PEX5L: variants seen among roughly 807,000 people sequenced by gnomAD.
PEX5L encodes PEX5-related protein.
A neutral mutation model predicts 84.0 loss-of-function variants in PEX5L; 30 were observed. The observed-to-expected ratio is 0.36, with a 90% CI of 0.27 to 0.48. PEX5L has a LOEUF of 0.48. Among genes scored for constraint, PEX5L ranks in the 20% least tolerant of loss-of-function variants. PEX5L has a pLI of 0.99. For synonymous variants in PEX5L, 270 were observed against 283.1 expected, an observed-to-expected ratio of 0.95 and a Z score of 0.46; for missense variants, 533 against 754.6, an observed-to-expected ratio of 0.71 and a Z score of 3.44.
chr3:179,985,998 G>A (rs928304908), intron 1 of PEX5L, among the ~76,000 whole-genome samples: 1 of 152,114 alleles, frequency 6.6e-6, no homozygotes, highest in Admixed American at 6.5e-5. Context: ...GTGGCTGGAT[G>A]TGGATGTTTC....
At chr3:179,914,846 A>G (rs529730756) in intron 2 of PEX5L, among the ~76,000 whole-genome samples, 3 of 152,346 alleles carry the variant, frequency 2.0e-5, no homozygotes, top group Non-Finnish European at 4.4e-5. Flanking sequence ...GGACATTTTT[A>G]TAATTTCTGC....
At chr3:179,984,557 C>G (rs73883458) in intron 1 of PEX5L, among the ~76,000 whole-genome samples, 12,957 of 152,082 alleles carry the variant, frequency 0.085, 906 homozygotes, top group African/African-American at 0.2. Flanking sequence ...AGGATATAGA[C>G]GCATGGAGAC....
At chr3:179,991,372 T>C (rs1188507727) in intron 1 of PEX5L, among the ~76,000 whole-genome samples, 1 of 152,220 alleles carries the variant, frequency 6.6e-6, no homozygotes, top group Non-Finnish European at 1.5e-5. Context: ...TGTTTTATAA[T>C]AGCTGGATCC....
At chr3:180,004,539 C>A (rs1788701500) in intron 1 of PEX5L, among the ~76,000 whole-genome samples, 1 of 152,090 alleles carries the variant, frequency 6.6e-6, no homozygotes, top group Non-Finnish European at 1.5e-5. Flanking sequence ...CAAACCCATA[C>A]CAAACAAAAT....
At chr3:179,881,612 C>T (rs1038115534) in intron 4 of PEX5L, 1 of 152,124 alleles carries the variant, frequency 6.6e-6, no homozygotes, top group Non-Finnish European at 1.5e-5. Context: ...CTTTTACAGC[C>T]AATTTGTGAT....
rs189188707 is a variant in PEX5L at position 179,820,132 on chromosome 3, G to T, written c.823-156C>A. 2.2e-3 allele frequency: 2,093 copies of T among 930,312 alleles called. 4 individuals are homozygous for T. The highest frequency in any genetic ancestry group is 2.3e-3 in the Non-Finnish European group (1,440 of 623,910). The allele number at this position is 930,312 out of a possible 1,614,324, so 57.6% of individuals were successfully genotyped here. A position where few individuals can be genotyped will look rare whatever the true frequency, so the allele number is the denominator to read the frequency against. On this transcript the variant is annotated intron_variant, in intron 8 of 14. Coordinates refer to ENST00000467460, the MANE Select transcript of PEX5L (RefSeq NM_016559.3). ...GGCGTGGCTGAAGAGCTTCTGGAGGGTACTCACTGGTCAGAGTGTTGAAGT... is the reference window on the plus strand; with the variant it reads ...GGCGTGGCTGAAGAGCTTCTGGAGGTTACTCACTGGTCAGAGTGTTGAAGT...
chr3:179,889,215 CACAGTG>C (rs1273681027), intron 3 of PEX5L, among the ~76,000 whole-genome samples: 3 of 152,154 alleles, frequency 2.0e-5, no homozygotes, highest in African/African-American at 7.2e-5. Context: ...GTTTCTCTGG[CACAGTG>C]TCAGCAGTCT....
intron 2 of PEX5L, among the ~76,000 whole-genome samples, chr3:179,964,249 G>A (rs778477377): frequency 7.9e-5 from 12 of 152,036 alleles, no homozygotes; most frequent in Non-Finnish European, 1.5e-4. Context: ...ATGAGAACAC[G>A]TGGTATTTCC....
chr3:179,901,955 A>C (rs1761497374), intron 2 of PEX5L: 3 of 152,242 alleles, frequency 2.0e-5, no homozygotes, highest in South Asian at 4.1e-4. Flanking sequence ...ACAATACTGG[A>C]CATCACAGGA....
At chr3:179,907,017 C>T (rs922515587) in intron 2 of PEX5L, among the ~76,000 whole-genome samples, 2 of 152,046 alleles carry the variant, frequency 1.3e-5, no homozygotes, top group Non-Finnish European at 2.9e-5. Flanking sequence ...CCTGGTTTCT[C>T]AGTGTATTTT....
chr3:180,029,701 C>T lies in PEX5L; in HGVS notation c.21+6878G>A, dbSNP rs117408491. Among the ~76,000 whole-genome samples, 54 of 151,692 alleles carry T rather than the reference C, an allele frequency of 3.6e-4. No individual in the cohort carries two copies. In the East Asian group the frequency reaches 7.5e-3, roughly 21 times the overall value. The stretch of plus-strand genomic sequence containing the variant: ...TTTTTTACCTACAGTTTTCTCAGAC[C>T]TGTGCTTCTCAAATGTTAGTGTGCA... On this transcript the variant is annotated intron_variant, in intron 1 of 14. Coordinates refer to ENST00000467460, the MANE Select transcript of PEX5L (RefSeq NM_016559.3).
intron 9 of PEX5L, among the ~76,000 whole-genome samples, chr3:179,817,877 C>A (rs912657637): frequency 6.6e-6 from 1 of 152,162 alleles, no homozygotes; most frequent in Non-Finnish European, 1.5e-5. Context: ...GGAGCTCAGG[C>A]AGACCTCGGG....
At chr3:179,845,679 T>G (rs1172027373) in intron 8 of PEX5L, among the ~76,000 whole-genome samples, 1 of 152,206 alleles carries the variant, frequency 6.6e-6, no homozygotes, top group Non-Finnish European at 1.5e-5. Context: ...AAATGTGGTT[T>G]CTAGTTCTGC....
At chr3:179,833,877 C>G (rs1262832298) in intron 8 of PEX5L, among the ~76,000 whole-genome samples, 2 of 152,160 alleles carry the variant, frequency 1.3e-5, no homozygotes, top group African/African-American at 2.4e-5. Flanking sequence ...TATTCTTGCC[C>G]AGGCTAGAGT....
intron 1 of PEX5L, among the ~76,000 whole-genome samples, chr3:180,020,253 A>G (rs986005583): frequency 1.4e-4 from 22 of 152,144 alleles, no homozygotes; most frequent in African/African-American, 5.3e-4. Flanking sequence ...AAAAATTTAA[A>G]CCAATACAAC....
At chr3:179,970,564 G>GT (rs1366559224) in intron 2 of PEX5L, among the ~76,000 whole-genome samples, 1 of 152,126 alleles carries the variant, frequency 6.6e-6, no homozygotes, top group Non-Finnish European at 1.5e-5. Flanking sequence ...GTTTTGGCAA[G>GT]TTTTTCCAGA....
At chr3:179,848,010 C>T (rs958631308) in intron 8 of PEX5L, among the ~76,000 whole-genome samples, 1 of 151,056 alleles carries the variant, frequency 6.6e-6, no homozygotes, top group Non-Finnish European at 1.5e-5. Flanking sequence ...AAGCAGATAG[C>T]TGACTTGAAT....
chr3:180,016,993 T>C lies in PEX5L; in HGVS notation c.21+19586A>G, dbSNP rs1009476042. 5.9e-5 allele frequency among the ~76,000 whole-genome samples: 9 copies of C among 152,342 alleles called. 1 individual carries two copies. Among genetic ancestry groups the C allele is most frequent in the African/African-American group, 2.2e-4 (9 of 41,584 alleles). Reference sequence around the variant, plus strand: ...ATGTAAAAAGAGTGAGTAATGTTCATTAACACATCATATTTATTTATGAAG... The same window carrying C: ...ATGTAAAAAGAGTGAGTAATGTTCACTAACACATCATATTTATTTATGAAG... On this transcript the variant is annotated intron_variant, in intron 1 of 14. Transcript: ENST00000467460.
At chr3:179,974,988 G>C (rs1329368857) in intron 1 of PEX5L, among the ~76,000 whole-genome samples, 8 of 152,182 alleles carry the variant, frequency 5.3e-5, no homozygotes, top group African/African-American at 1.2e-4. Flanking sequence ...CTTGAGGCCA[G>C]GAGTCCAAGA....
Sources: allele counts gnomAD v4.1 joint callset (sites outside exome capture counted in the v4.1 genomes callset), GRCh38; gene constraint gnomAD v4.1.1; transcripts MANE v1.5; gene names NCBI Gene and HGNC (gene_info 2026-07-23, HGNC 2026-07-21).